Variants in LRIG2 observed in about 807,000 individuals in gnomAD.
LRIG2 encodes leucine rich repeats and immunoglobulin like domains 2.
LRIG2 carries 93 observed loss-of-function variants against 107.8 expected under a neutral mutation model. That is an observed-to-expected ratio of 0.86 (90% CI 0.73 to 1.03). The LOEUF is 1.03. LRIG2 is among the 50% of genes least tolerant of loss of function. The pLI is 0.00. For synonymous variants in LRIG2, 471 were observed against 470.6 expected (o/e 1.00, Z -0.01); for missense variants, 1,226 against 1,296.0 (o/e 0.95, Z 0.83).
In LRIG2 at chr1:113,110,425, A is replaced by C. The variant is rs537936712; in HGVS notation, c.1661A>C (p.Gln554Pro). 6.2e-7 allele frequency: 1 copy of C among 1,614,230 alleles called. No individual in the cohort carries two copies. Among genetic ancestry groups the C allele is most frequent in the South Asian group, 1.1e-5 (1 of 91,092 alleles). The change falls in exon 13 of 18, where the codon CAA becomes CCA. Residue 554 changes from glutamine to proline, a missense_variant. This residue lies in a region of LRIG2 where 642 missense variants were observed against 712.2 expected (regional missense o/e 0.90). Coordinates refer to ENST00000361127, the MANE Select transcript of LRIG2 (RefSeq NM_014813.3). ...DTENFVRYWQ[Q>P]AGEALEYTSI... Reference sequence around the variant, plus strand: ...GAGAATTTTGTTCGTTATTGGCAGCAAGCTGGAGAAGCTCTGGAATATACT... The same window carrying C: ...GAGAATTTTGTTCGTTATTGGCAGCCAGCTGGAGAAGCTCTGGAATATACT...
At chr1:113,073,882 G>A (rs1652829780) in intron 1 of LRIG2, among the ~76,000 whole-genome samples, 1 of 151,240 alleles carries the variant, frequency 6.6e-6, no homozygotes, top group Admixed American at 6.6e-5. Flanking sequence ...GGGCCAAGGA[G>A]TCTGTGATTT....
Position 113,094,387 on chromosome 1 carries a change from T to C in LRIG2, c.564T>C (p.Asp188=). Residue 188 remains aspartate (D), a synonymous_variant, in exon 5 of 18, where the codon GAT becomes GAC. Transcript: ENST00000361127. ...RITTLEAGCF[D]NLSSSLLVVK... is the part of the protein sequence containing the mutation. Reference sequence around the variant, plus strand: ...CCACCTTGGAGGCTGGTTGCTTCGATAATTTATCAAGTTCCTTATTAGTGG... The same window carrying C: ...CCACCTTGGAGGCTGGTTGCTTCGACAATTTATCAAGTTCCTTATTAGTGG... 1 of 1,613,220 alleles carries C rather than the reference T, an allele frequency of 6.2e-7. No individual in the cohort carries two copies. Among genetic ancestry groups the C allele is most frequent in the East Asian group, 2.2e-5 (1 of 44,838 alleles).
Position 113,114,529 on chromosome 1 carries a change from A to G in LRIG2, c.2183A>G (p.Asn728Ser), listed in dbSNP as rs771951256. Residue 728 changes from asparagine to serine, a missense_variant, in exon 15 of 18, where the codon AAC becomes AGC. Asn to Ser is a conservative substitution (Grantham distance 46). Coordinates refer to ENST00000361127, the MANE Select transcript of LRIG2 (RefSeq NM_014813.3). Reference sequence around the variant, plus strand: ...GGAGGGAGTCCTGCCCCTCGTCTCAACTGGACTAAAGATGATGGGCCTTTG... The same window carrying G: ...GGAGGGAGTCCTGCCCCTCGTCTCAGCTGGACTAAAGATGATGGGCCTTTG... ...IAGGSPAPRL[N>S]WTKDDGPLLV... 9 of 1,614,080 alleles carry G rather than the reference A, an allele frequency of 5.6e-6. No homozygotes were observed. The highest frequency in any genetic ancestry group is 1.1e-5 in the South Asian group (1 of 91,078).
chr1:113,100,180 GCTTT>G (rs764912223), intron 9 of LRIG2, 27 bp from the exon 10 acceptor site: 1 of 1,342,118 alleles, frequency 7.5e-7, no homozygotes. Flanking sequence ...TTAGTGGAGA[GCTTT>G]CTTAGAAAGA....
rs1180825317 is a variant in LRIG2 at position 113,132,055 on chromosome 1, TC to T, written c.*7958del. On this transcript the variant is annotated 3_prime_UTR_variant, in exon 18 of 18. Coordinates refer to ENST00000361127, the MANE Select transcript of LRIG2 (RefSeq NM_014813.3). ...CCTCTACTTTCCACTATTATTTTTT[TC>T]CCCTATTGGATAATACTAGTCTGAG... 1.3e-5 allele frequency: 2 copies of T among 152,000 alleles called. No homozygotes were observed. Among genetic ancestry groups the T allele is most frequent in the African/African-American group, 2.4e-5 (1 of 41,382 alleles). 9.4% of individuals were successfully genotyped at this position (152,000 alleles called of 1,614,324 possible).
At chr1:113,074,600 G>A (rs1652868628) in intron 1 of LRIG2, among the ~76,000 whole-genome samples, 1 of 152,112 alleles carries the variant, frequency 6.6e-6, no homozygotes, top group African/African-American at 2.4e-5. Context: ...GATTTCTGAT[G>A]GAGTCGTTAA....
At chr1:113,109,612 G>T (rs893382792) in intron 12 of LRIG2, among the ~76,000 whole-genome samples, 2 of 152,070 alleles carry the variant, frequency 1.3e-5, no homozygotes, top group Non-Finnish European at 2.9e-5. Flanking sequence ...TCTACCCCCC[G>T]GGTTCAAGTG....
chr1:113,091,239 A>G, intron 1 of LRIG2, 79 bp from the exon 2 acceptor site: 2 of 967,990 alleles, frequency 2.1e-6, no homozygotes, highest in South Asian at 1.6e-5. Flanking sequence ...GACTTTTTGT[A>G]TTTCTATTTA....
intron 10 of LRIG2, 63 bp downstream of exon 10, chr1:113,100,345 C>A: frequency 1.4e-6 from 2 of 1,457,822 alleles, no homozygotes; most frequent in Non-Finnish European, 1.9e-6. Flanking sequence ...CAGAGGTTTT[C>A]ATGACCATGT....
chr1:113,129,808 G>A lies in LRIG2; in HGVS notation c.*5707G>A, dbSNP rs1481420622. 1.3e-5 allele frequency: 2 copies of A among 151,996 alleles called. No individual in the cohort carries two copies. The highest frequency in any genetic ancestry group is 2.4e-5 in the African/African-American group (1 of 41,368). 9.4% of individuals were successfully genotyped at this position (151,996 alleles called of 1,614,324 possible). A position where few individuals can be genotyped will look rare whatever the true frequency, so the allele number is the denominator to read the frequency against. On this transcript the variant is annotated 3_prime_UTR_variant, in exon 18 of 18. Coordinates refer to ENST00000361127, the MANE Select transcript of LRIG2 (RefSeq NM_014813.3). ...CAGGCTGATTCTCCACTTCCACCTGGAAGAAAAGACAGTATTCCTTGAACT... is the reference window on the plus strand; with the variant it reads ...CAGGCTGATTCTCCACTTCCACCTGAAAGAAAAGACAGTATTCCTTGAACT...
chr1:113,079,811 G>A (rs1653175778), intron 1 of LRIG2, among the ~76,000 whole-genome samples: 1 of 144,156 alleles, frequency 6.9e-6, no homozygotes, highest in Admixed American at 7.2e-5. Flanking sequence ...GCACAATCTC[G>A]GCTCACTGCC....
In LRIG2 at chr1:113,112,603, T is replaced by C. The variant is rs1654816676; in HGVS notation, c.1923T>C (p.Thr641=). ...TTTCCTGGCAGAAAGATGGTGGTAC[T>C]GACTTTCCTGCGGCTCGAGAAAGAC... ...PQISWQKDGG[T]DFPAARERRM... is the part of the protein sequence containing the mutation. The change falls in exon 14 of 18, where the codon ACT becomes ACC. Residue 641 remains threonine (T), a synonymous_variant. Coordinates refer to ENST00000361127, the MANE Select transcript of LRIG2 (RefSeq NM_014813.3). 1.2e-6 allele frequency: 2 copies of C among 1,614,212 alleles called. No individual in the cohort carries two copies. The highest frequency in any genetic ancestry group is 1.7e-6 in the Non-Finnish European group (2 of 1,180,038).
intron 2 of LRIG2, among the ~76,000 whole-genome samples, chr1:113,092,398 A>T (rs1341878745): frequency 1.3e-5 from 2 of 152,186 alleles, no homozygotes; most frequent in Non-Finnish European, 2.9e-5. Context: ...TTATCTGTAA[A>T]ATTAGTCATA....
intron 1 of LRIG2, among the ~76,000 whole-genome samples, chr1:113,077,959 C>G (rs1315821069): frequency 7.0e-6 from 1 of 141,910 alleles, no homozygotes; most frequent in Non-Finnish European, 1.5e-5. Context: ...TTGTTCATTT[C>G]CCACCTATGA....
chr1:113,079,740 C>CTTTT (rs1052163783), intron 1 of LRIG2, among the ~76,000 whole-genome samples: 1 of 128,812 alleles, frequency 7.8e-6, no homozygotes, highest in African/African-American at 2.9e-5. Flanking sequence ...CAGGAGAAAT[C>CTTTT]TTTTTTTTTT....
In LRIG2 at chr1:113,094,704, T is replaced by G. The variant is rs1341416901; in HGVS notation, c.752T>G (p.Ile251Ser). ...LRSLKMQRNGISKLKDGAFFG... is the reference protein window; with the variant it reads ...LRSLKMQRNGSSKLKDGAFFG... ...TCTTTGAAAATGCAGCGGAATGGAA[T>G]TAGCAAACTTAAGGATGGAGCATTT... is the stretch of plus-strand genomic sequence containing the variant. The change falls in exon 6 of 18, where the codon ATT (isoleucine) becomes AGT (serine). Residue 251 changes from isoleucine (I) to serine (S), a missense_variant. Around this residue, in one of 3 missense-constraint regions of LRIG2, gnomAD observed 570 missense variants for 550.2 expected, o/e 1.04. Coordinates refer to ENST00000361127, the MANE Select transcript of LRIG2 (RefSeq NM_014813.3). The G allele has an allele frequency of 1.2e-6, 2 of 1,613,992 alleles. No homozygotes were observed.
chr1:113,086,802 A>C (rs11102582), intron 1 of LRIG2, among the ~76,000 whole-genome samples: 72,573 of 152,072 alleles, frequency 0.48, 20,069 homozygotes, highest in Non-Finnish European at 0.62. Flanking sequence ...AACTGAGTTT[A>C]CAACATTGAG....
At position 113,119,320 on chromosome 1, in the gene LRIG2, A is replaced by G. The variant is rs761558651; in HGVS notation, c.2768A>G (p.Tyr923Cys). 39 of 1,614,148 alleles carry G rather than the reference A, an allele frequency of 2.4e-5. No individual in the cohort carries two copies. The East Asian group carries it at 5.6e-4, about 23-fold the overall frequency. ...SRTREYCPYT[Y>C]IAEEDVLDQT... The stretch of plus-strand genomic sequence containing the variant: ...ACCCGAGAATACTGTCCATACACCT[A>G]TATTGCTGAGGAGGACGTTCTTGAT... Residue 923 changes from tyrosine to cysteine, a missense_variant, in exon 17 of 18, where the codon TAT (tyrosine) becomes TGT (cysteine). By Grantham distance (194) the Tyr-to-Cys change is radical (BLOSUM62 -2). Around this residue, in one of 3 missense-constraint regions of LRIG2, gnomAD observed 642 missense variants for 712.2 expected, o/e 0.90. Transcript: ENST00000361127.
In LRIG2 at chr1:113,107,751, G is replaced by T. The variant is rs113297938; in HGVS notation, c.1471G>T (p.Val491Phe). Reference protein sequence around the residue: ...SILNVDLKDFVCDDFLKPQIR... With the variant: ...SILNVDLKDFFCDDFLKPQIR... Reference sequence around the variant, plus strand: ...CCTGAATGTGGATCTGAAAGATTTTGTCTGTGGTTTGTATTTTTGTTTTAA... The same window carrying T: ...CCTGAATGTGGATCTGAAAGATTTTTTCTGTGGTTTGTATTTTTGTTTTAA... Residue 491 changes from valine (V) to phenylalanine (F), a missense_variant, in exon 12 of 18, where the codon GTC becomes TTC. By Grantham distance (50) the Val-to-Phe change is conservative. Around this residue, in one of 3 missense-constraint regions of LRIG2, gnomAD observed 14 missense variants for 33.6 expected, o/e 0.42. Transcript: ENST00000361127. The T allele has an allele frequency of 1.9e-4, 307 of 1,612,254 alleles. No individual in the cohort carries two copies. Among genetic ancestry groups the T allele is most frequent in the Non-Finnish European group, 2.4e-4 (288 of 1,179,510 alleles).
Sources: gnomAD v4.1 joint callset for allele counts (sites outside exome capture counted in the v4.1 genomes callset) on GRCh38, gnomAD v4.1.1 for gene constraint, gnomAD v4.1.1 regional missense constraint, MANE v1.5 for transcripts, NCBI Gene and HGNC (gene_info 2026-07-23, HGNC 2026-07-21) for gene names.